The following ANO3 variants were observed in gnomAD, a reference collection of about 807,000 sequenced individuals.
The protein encoded by ANO3 is anoctamin 3.
Under a neutral mutation model 144.8 loss-of-function variants are expected in ANO3, and 99 were observed. The observed-to-expected ratio is 0.68, with a 90% CI of 0.58 to 0.81. ANO3 has a LOEUF of 0.81. Ranked by LOEUF, ANO3 falls within the 30% of genes least tolerant of loss-of-function variation. ANO3 has a pLI of 0.00. For synonymous variants in ANO3, 414 were observed against 392.6 expected, an observed-to-expected ratio of 1.05 and a Z score of -0.64; for missense variants, 905 against 1,202.2, an observed-to-expected ratio of 0.75 and a Z score of 3.66.
intron 1 of ANO3, among the ~76,000 whole-genome samples, chr11:26,376,578 C>T (rs1294492218): frequency 6.6e-6 from 1 of 151,848 alleles, no homozygotes; most frequent in African/African-American, 2.4e-5. Context: ...AGATGTTTCT[C>T]AAAGTTTATT....
intron 1 of ANO3, among the ~76,000 whole-genome samples, chr11:26,235,194 A>G (rs539251392): frequency 5.3e-4 from 80 of 152,350 alleles, no homozygotes; most frequent in African/African-American, 1.9e-3. Context: ...TAAATCCAGT[A>G]ATAATGTTTA....
At position 26,249,799 on chromosome 11, in the gene ANO3, AAGAG is replaced by A. The variant is rs1332685660; in HGVS notation, c.155-59844_155-59841del. Among the ~76,000 whole-genome samples the A allele has an allele frequency of 2.0e-5, 3 of 152,134 alleles. No homozygotes were observed. In the East Asian group the frequency reaches 5.8e-4, roughly 29 times the overall value. On this transcript the variant is annotated intron_variant, in intron 1 of 27. Coordinates refer to the ANO3 transcript ENST00000672621. The stretch of plus-strand genomic sequence containing the variant: ...CAAACAAAAAAGAAAGAAAGAAAGA[AAGAG>A]AAAGAAAGAATAAAAAACGCTTCAG...
chr11:26,219,284 G>A (rs1852095787), intron 1 of ANO3, among the ~76,000 whole-genome samples: 2 of 152,174 alleles, frequency 1.3e-5, no homozygotes, highest in Admixed American at 6.5e-5. Flanking sequence ...AAAGGATATG[G>A]TGAGATAGAG....
At chr11:26,294,870 CT>C (rs905405335) in intron 1 of ANO3, among the ~76,000 whole-genome samples, 5 of 151,660 alleles carry the variant, frequency 3.3e-5, no homozygotes, top group Non-Finnish European at 5.9e-5. Flanking sequence ...GGTCATTTTC[CT>C]TTTTTTTCTT....
At position 26,219,493 on chromosome 11, in the gene ANO3, G is replaced by A. The variant is rs141462044; in HGVS notation, c.154+30163G>A. Among the ~76,000 whole-genome samples the A allele has an allele frequency of 1.4e-3, 217 of 152,160 alleles. 1 individual carries two copies. The highest frequency in any genetic ancestry group is 2.0e-3 in the Non-Finnish European group (136 of 68,010). ...TAAGTAAACAAAGCTCTTTCCCTTA[G>A]GATCTCCCTGTTTTTTCATTAACCT... On this transcript the variant is annotated intron_variant, in intron 1 of 27. Coordinates refer to the ANO3 transcript ENST00000672621.
chr11:26,547,370 G>T (rs1436834433), intron 11 of ANO3, 46 bp from the exon 12 acceptor site: 1 of 1,587,644 alleles, frequency 6.3e-7, no homozygotes, highest in Non-Finnish European at 8.6e-7. Flanking sequence ...TTGTAATATT[G>T]CTTATGTTGC....
intron 1 of ANO3, among the ~76,000 whole-genome samples, chr11:26,254,412 G>T (rs1564935482): frequency 6.6e-6 from 1 of 152,196 alleles, no homozygotes; most frequent in East Asian, 1.9e-4. Context: ...TTTTTGAAAT[G>T]ACCATATTAT....
At chr11:26,339,976 T>C (rs1264122736) in intron 1 of ANO3, among the ~76,000 whole-genome samples, 1 of 152,196 alleles carries the variant, frequency 6.6e-6, no homozygotes, top group Non-Finnish European at 1.5e-5. Context: ...ATCTCCCATA[T>C]TCACCTCCTC....
chr11:26,595,471 T>TG lies in ANO3; in HGVS notation c.1448-2894_1448-2893insG, dbSNP rs1375017669. 4.6e-3 allele frequency among the ~76,000 whole-genome samples: 423 copies of TG among 91,872 alleles called. 1 individual carries two copies. Among genetic ancestry groups the TG allele is most frequent in the Non-Finnish European group, 7.8e-3 (301 of 38,692 alleles). 60.3% of individuals were successfully genotyped at this position (91,872 alleles called of 152,430 possible). A position where few individuals can be genotyped will look rare whatever the true frequency, so the allele number is the denominator to read the frequency against. On this transcript the variant is annotated intron_variant, in intron 14 of 26. Transcript: ENST00000256737. ...ATTGAGATAGAGTTGTTTTTTTTTT[T>TG]TTTTTTTTTTTTTTTTATTCTGTAA...
intron 1 of ANO3, among the ~76,000 whole-genome samples, chr11:26,413,768 A>G (rs527247599): frequency 4.0e-4 from 61 of 152,192 alleles, no homozygotes; most frequent in African/African-American, 1.4e-3. Context: ...AAAGGGATTC[A>G]TTTGAGAGAA....
At chr11:26,215,916 T>C (rs1187955420) in intron 1 of ANO3, among the ~76,000 whole-genome samples, 3 of 152,098 alleles carry the variant, frequency 2.0e-5, no homozygotes, top group Admixed American at 6.6e-5. Flanking sequence ...TGTAAAGTTA[T>C]CAGGACTGTT....
chr11:26,247,807 C>A (rs1365946130), intron 1 of ANO3, among the ~76,000 whole-genome samples: 3 of 144,732 alleles, frequency 2.1e-5, no homozygotes, highest in Non-Finnish European at 4.5e-5. Flanking sequence ...CGGCTCACTG[C>A]AACATCTGCC....
intron 24 of ANO3, among the ~76,000 whole-genome samples, chr11:26,654,055 C>G (rs569980017): frequency 1.3e-5 from 2 of 152,230 alleles, no homozygotes; most frequent in South Asian, 4.1e-4. Flanking sequence ...ATCACAGTGT[C>G]TTAATTACTG....
intron 14 of ANO3, among the ~76,000 whole-genome samples, chr11:26,576,359 CTTAA>C (rs1438228528): frequency 9.2e-5 from 14 of 151,988 alleles, no homozygotes; most frequent in African/African-American, 2.9e-4. Flanking sequence ...CTCAATTAGA[CTTAA>C]TTAATTATAA....
At chr11:26,232,981 G>A (rs1852434004) in intron 1 of ANO3, among the ~76,000 whole-genome samples, 1 of 152,146 alleles carries the variant, frequency 6.6e-6, no homozygotes, top group Admixed American at 6.5e-5. Context: ...ACTTTGGGAG[G>A]CCGAGGCAGG....
intron 1 of ANO3, among the ~76,000 whole-genome samples, chr11:26,219,703 T>C (rs1852103893): frequency 6.6e-6 from 1 of 152,018 alleles, no homozygotes; most frequent in African/African-American, 2.4e-5. Flanking sequence ...TTCTCATGAG[T>C]CTGGTGAGAC....
At chr11:26,345,404 A>C (rs1303600751) in intron 1 of ANO3, among the ~76,000 whole-genome samples, 1 of 152,094 alleles carries the variant, frequency 6.6e-6, no homozygotes, top group African/African-American at 2.4e-5. Flanking sequence ...AAAATAAAAA[A>C]TTTTAGGGTA....
At chr11:26,219,325 G>C (rs1289327120) in intron 1 of ANO3, among the ~76,000 whole-genome samples, 1 of 152,122 alleles carries the variant, frequency 6.6e-6, no homozygotes, top group East Asian at 1.9e-4. Context: ...TTAGAAACTT[G>C]GGAAGAACTT....
chr11:26,420,358 A>G (rs1199370146), intron 1 of ANO3, among the ~76,000 whole-genome samples: 1 of 152,050 alleles, frequency 6.6e-6, no homozygotes, highest in Non-Finnish European at 1.5e-5. Flanking sequence ...ATACCTGTAT[A>G]TTTGTAATAG....
Sources: allele counts gnomAD v4.1 joint callset (sites outside exome capture counted in the v4.1 genomes callset), GRCh38; gene constraint gnomAD v4.1.1; transcripts MANE v1.5; gene names NCBI Gene and HGNC (gene_info 2026-07-23, HGNC 2026-07-21).